Variants in EPHA7 observed in about 807,000 individuals in gnomAD.
EPHA7 encodes EPH receptor A7, also known as ephrin type-A receptor 7.
In EPHA7, 25 loss-of-function variants were observed where a neutral mutation model predicts 112.6. The ratio of observed to expected loss-of-function variants is 0.22; its 90% CI spans 0.16 to 0.31. EPHA7 has a LOEUF of 0.31. Among genes scored for constraint, EPHA7 ranks in the 10% least tolerant of loss-of-function variants. EPHA7 has a pLI of 1.00. For synonymous variants in EPHA7, 437 were observed against 406.5 expected, an observed-to-expected ratio of 1.07 and a Z score of -0.90; for missense variants, 962 against 1,212.6, an observed-to-expected ratio of 0.79 and a Z score of 3.07.
Position 93,273,636 on chromosome 6 carries a change from A to C in EPHA7, c.1325-1214T>G, listed in dbSNP as rs377531988. On this transcript the variant is annotated intron_variant, in intron 5 of 16. Transcript: ENST00000369303. The stretch of plus-strand genomic sequence containing the variant: ...AACAAAAGCGTAACGAGGGCAGTTT[A>C]AGTGGGACAACTTTCCCTTGAAGGA... Among the ~76,000 whole-genome samples, 3 of 152,086 alleles carry C rather than the reference A, an allele frequency of 2.0e-5. 1 individual carries two copies. Among genetic ancestry groups the C allele is most frequent in the Admixed American group, 6.6e-5 (1 of 15,254 alleles).
At chr6:93,370,382 C>T (rs1776729864) in intron 3 of EPHA7, among the ~76,000 whole-genome samples, 1 of 152,034 alleles carries the variant, frequency 6.6e-6, no homozygotes, top group Admixed American at 6.6e-5. Flanking sequence ...CTGAGAATTG[C>T]CATACAGTAA....
intron 5 of EPHA7, among the ~76,000 whole-genome samples, chr6:93,299,434 A>G (rs2127847609): frequency 6.6e-6 from 1 of 152,196 alleles, no homozygotes; most frequent in South Asian, 2.1e-4. Flanking sequence ...ACAATGAGAT[A>G]CCATCTCATA....
intron 5 of EPHA7, among the ~76,000 whole-genome samples, chr6:93,351,290 AC>A (rs1775681469): frequency 6.6e-6 from 1 of 151,894 alleles, no homozygotes; most frequent in Admixed American, 6.6e-5. Context: ...TTCCAATGAG[AC>A]CCCATCACAG....
At chr6:93,380,282 A>G (rs1274975430) in intron 3 of EPHA7, among the ~76,000 whole-genome samples, 2 of 152,124 alleles carry the variant, frequency 1.3e-5, no homozygotes, top group East Asian at 3.9e-4. Flanking sequence ...AAACGAAAAT[A>G]TAGTTTAACT....
intron 3 of EPHA7, among the ~76,000 whole-genome samples, chr6:93,390,876 T>C (rs773189364): frequency 1.8e-4 from 27 of 152,058 alleles, no homozygotes; most frequent in Middle Eastern, 3.4e-3. Context: ...CAAAAAGCAC[T>C]CAAGAAATGT....
rs2127877576 is a variant in EPHA7 at position 93,269,587 on chromosome 6, C to T, written c.1523G>A (p.Gly508Glu). The T allele has an allele frequency of 1.2e-6, 2 of 1,604,594 alleles. No individual in the cohort carries two copies. Among genetic ancestry groups the T allele is most frequent in the Non-Finnish European group, 1.7e-6 (2 of 1,175,354 alleles). The change falls in exon 7 of 17, where the codon GGA becomes GAA. Residue 508 changes from glycine (G) to glutamate (E), a missense_variant. This residue lies in a region of EPHA7 where 746 missense variants were observed against 889.2 expected (regional missense o/e 0.84). Coordinates refer to ENST00000369303, the MANE Select transcript of EPHA7 (RefSeq NM_004440.4). ...CCGAATCTGGAAAACATACACTGTT[C>T]CTGGTTTCAGATTATTAATGGAGGC... The part of the protein sequence containing the change: ...TSASINNLKP[G>E]TVYVFQIRAF...
chr6:93,310,847 G>T (rs937717925), intron 5 of EPHA7, among the ~76,000 whole-genome samples: 7 of 152,096 alleles, frequency 4.6e-5, no homozygotes, highest in Non-Finnish European at 8.8e-5. Flanking sequence ...ATGGCTACTG[G>T]ATGATCAGGT....
chr6:93,257,377 A>G (rs1034222143), intron 12 of EPHA7, 85 bp downstream of exon 12: 3 of 1,010,540 alleles, frequency 3.0e-6, no homozygotes, highest in Non-Finnish European at 4.4e-6. Context: ...CAAGGCTCTC[A>G]TTTTACATTG....
rs777588718 is a variant in EPHA7, at chr6:93,243,171, T to G, written c.*255A>C. 4 of 339,076 alleles carry G rather than the reference T, an allele frequency of 1.2e-5. No homozygotes were observed. Among genetic ancestry groups the G allele is most frequent in the Non-Finnish European group, 1.6e-5 (3 of 187,462 alleles). The allele number at this position is 339,076 out of a possible 1,614,324, so 21.0% of individuals were successfully genotyped here. On this transcript the variant is annotated 3_prime_UTR_variant, in exon 17 of 17. Coordinates refer to ENST00000369303, the MANE Select transcript of EPHA7 (RefSeq NM_004440.4). ...AGGAGGTTAGAGAGCTCAAGGTGTTTGGATGTTTTTCAGGTAGTACTTTGT... is the reference window on the plus strand; with the variant it reads ...AGGAGGTTAGAGAGCTCAAGGTGTTGGGATGTTTTTCAGGTAGTACTTTGT...
chr6:93,380,796 C>T (rs967476236), intron 3 of EPHA7, among the ~76,000 whole-genome samples: 1 of 152,068 alleles, frequency 6.6e-6, no homozygotes, highest in East Asian at 1.9e-4. Context: ...AACTTTCCAC[C>T]CAGTAAAGAA....
At chr6:93,295,836 T>G (rs1230136274) in intron 5 of EPHA7, among the ~76,000 whole-genome samples, 2 of 151,836 alleles carry the variant, frequency 1.3e-5, no homozygotes, top group Non-Finnish European at 2.9e-5. Flanking sequence ...TGACAATGCA[T>G]TTTCTGAATT....
At chr6:93,374,021 T>G (rs1406037712) in intron 3 of EPHA7, among the ~76,000 whole-genome samples, 1 of 152,114 alleles carries the variant, frequency 6.6e-6, no homozygotes, top group Non-Finnish European at 1.5e-5. Flanking sequence ...ATTAAGAATG[T>G]AACAGAATAT....
intron 5 of EPHA7, among the ~76,000 whole-genome samples, chr6:93,292,492 AGTT>A (rs1772430630): frequency 6.6e-6 from 1 of 152,090 alleles, no homozygotes; most frequent in Non-Finnish European, 1.5e-5. Flanking sequence ...TGTATTGAAA[AGTT>A]GTGTTTTTTT....
At chr6:93,363,706 C>G (rs538094081) in intron 3 of EPHA7, among the ~76,000 whole-genome samples, 120 of 152,262 alleles carry the variant, frequency 7.9e-4, no homozygotes, top group African/African-American at 2.6e-3. Flanking sequence ...GTATATTCTA[C>G]TCCTAGGTAT....
intron 5 of EPHA7, among the ~76,000 whole-genome samples, chr6:93,317,015 G>T (rs1406868755): frequency 1.3e-5 from 2 of 152,094 alleles, no homozygotes; most frequent in Admixed American, 6.6e-5. Flanking sequence ...GCTTATGAGG[G>T]TCATTTCTCC....
chr6:93,270,056 G>T (rs1771136647), intron 6 of EPHA7, among the ~76,000 whole-genome samples: 1 of 151,408 alleles, frequency 6.6e-6, no homozygotes, highest in Non-Finnish European at 1.5e-5. Context: ...AAGTTATTCA[G>T]CAAGAAAAAA....
chr6:93,353,451 T>A (rs930110795), intron 5 of EPHA7, among the ~76,000 whole-genome samples: 2 of 152,158 alleles, frequency 1.3e-5, no homozygotes, highest in African/African-American at 4.8e-5. Flanking sequence ...ATAAGTCATA[T>A]TTTTTACAGG....
In EPHA7 at chr6:93,263,930, A is replaced by G; in HGVS notation, c.1743-15T>C. ...AACCACAGTGCCTTGAAGAAAGCAA[A>G]TTTGTGACAATCTCAGTCATTTTAC... On this transcript the variant is annotated splice_polypyrimidine_tract_variant and intron_variant, in intron 8 of 16. Coordinates refer to ENST00000369303, the MANE Select transcript of EPHA7 (RefSeq NM_004440.4). 1 of 1,603,430 alleles carries G rather than the reference A, an allele frequency of 6.2e-7. No homozygotes were observed. Among genetic ancestry groups the G allele is most frequent in the Non-Finnish European group, 8.5e-7 (1 of 1,172,544 alleles).
At chr6:93,309,304 T>C (rs907385275) in intron 5 of EPHA7, among the ~76,000 whole-genome samples, 5 of 152,236 alleles carry the variant, frequency 3.3e-5, no homozygotes, top group African/African-American at 1.2e-4. Flanking sequence ...AAAAGCAGCA[T>C]ATAAATAAGA....
Sources: allele counts gnomAD v4.1 joint callset (sites outside exome capture counted in the v4.1 genomes callset), GRCh38; gene constraint gnomAD v4.1.1; regional missense constraint gnomAD v4.1.1; transcripts MANE v1.5; gene names NCBI Gene and HGNC (gene_info 2026-07-23, HGNC 2026-07-21).